The following MEGF8 variants were observed in gnomAD, a reference collection of about 807,000 sequenced individuals.
MEGF8 encodes the protein multiple epidermal growth factor-like domains protein 8.
Under a neutral mutation model 302.9 loss-of-function variants are expected in MEGF8, and 156 were observed. That is an observed-to-expected ratio of 0.52 (90% CI 0.45 to 0.59). MEGF8 has a LOEUF of 0.59. MEGF8 is among the 20% of genes least tolerant of loss of function. The pLI is 0.00. For missense variants in MEGF8, 3,345 were observed against 3,964.5 expected (o/e 0.84, Z 4.20); for synonymous variants, 1,621 against 1,660.5 (o/e 0.98, Z 0.58).
chr19:42,360,767 T>G lies in MEGF8; in HGVS notation c.5489-8T>G, dbSNP rs763565607. On this transcript the variant is annotated splice_polypyrimidine_tract_variant and splice_region_variant and intron_variant, in intron 31 of 41. Coordinates refer to ENST00000251268, the MANE Select transcript of MEGF8 (RefSeq NM_001271938.2). ...CTCTATCTGTCTGAATACACCATCT[T>G]TCCTCAGGCTCGGCCTCTGTGGGGC... 8.9e-6 allele frequency: 14 copies of G among 1,567,136 alleles called. No homozygotes were observed. Among genetic ancestry groups the G allele is most frequent in the Middle Eastern group, 1.7e-4 (1 of 5,996 alleles).
rs1358209583 is a variant in MEGF8 at position 42,376,106 on chromosome 19, TG to T, written c.7872del (p.Gly2626AlafsTer64). 6.2e-7 allele frequency: 1 copy of T among 1,606,782 alleles called. No individual in the cohort carries two copies. Among genetic ancestry groups the T allele is most frequent in the Non-Finnish European group, 8.5e-7 (1 of 1,179,770 alleles). On this transcript the variant is annotated frameshift_variant, in exon 42 of 42. Transcript: ENST00000251268. LOFTEE classifies it high-confidence loss of function. This position sits in a 1 kb window ranked among gnomAD's most constrained non-coding sequence, Gnocchi z 8.2. Reference protein sequence around the residue: ...LLLLGVGDPSGPGANGSADSQ... With the variant: ...LLLLGVGDPSXPGANGSADSQ... Reference sequence around the variant, plus strand: ...TGCTGCTGGGCGTGGGAGACCCAAGTGGGCCCGGCGCCAACGGCTCAGCCGA... The same window carrying T: ...TGCTGCTGGGCGTGGGAGACCCAAGTGGCCCGGCGCCAACGGCTCAGCCGA...
At position 42,350,144 on chromosome 19, in the gene MEGF8, C is replaced by G; in HGVS notation, c.2500-4C>G. Reference sequence around the variant, plus strand: ...CTGCTGCCTTCCTGTGACCCCTTCCCCAGGAGATCTCCTTCTTCTTCCTGG... The same window carrying G: ...CTGCTGCCTTCCTGTGACCCCTTCCGCAGGAGATCTCCTTCTTCTTCCTGG... On this transcript the variant is annotated splice_polypyrimidine_tract_variant and splice_region_variant and intron_variant, in intron 14 of 41. Coordinates refer to ENST00000251268, the MANE Select transcript of MEGF8 (RefSeq NM_001271938.2). 6.2e-7 allele frequency: 1 copy of G among 1,606,782 alleles called. No individual in the cohort carries two copies. Among genetic ancestry groups the G allele is most frequent in the South Asian group, 1.1e-5 (1 of 90,688 alleles).
chr19:42,333,769 G>C lies in MEGF8; in HGVS notation c.351+1G>C. On this transcript the variant is annotated splice_donor_variant, in intron 2 of 41. Transcript: ENST00000251268. LOFTEE classifies it high-confidence loss of function. ...GCCCATCGAAGCTTCCTCAGGCAAG[G>C]TTAGTGGGGATGGGGCCGTGGCAGA... 6.2e-7 allele frequency: 1 copy of C among 1,613,706 alleles called. No homozygotes were observed. Among genetic ancestry groups the C allele is most frequent in the Non-Finnish European group, 8.5e-7 (1 of 1,179,722 alleles).
intron 13 of MEGF8, among the ~76,000 whole-genome samples, 165 bp from the exon 14 acceptor site, chr19:42,349,334 A>G (rs1600042859): frequency 7.3e-6 from 1 of 137,546 alleles, no homozygotes. Flanking sequence ...CCTGAGGAGG[A>G]GGGTCCCTGG....
At position 42,353,970 on chromosome 19, in the gene MEGF8, C is replaced by A. The variant is rs754753739; in HGVS notation, c.3957C>A (p.Thr1319=). Residue 1319 remains threonine, a synonymous_variant, in exon 22 of 42, where the codon ACC becomes ACA. Coordinates refer to ENST00000251268, the MANE Select transcript of MEGF8 (RefSeq NM_001271938.2). This position sits in a 1 kb window ranked among gnomAD's most constrained non-coding sequence, Gnocchi z 6.1. ...TEELQPCAPG[T]LCPPLTLTFS... is the part of the protein sequence containing the mutation. ...AGCTACAGCCCTGTGCTCCCGGGAC[C>A]CTCTGTCCCCCACTCACCCTCACCT... The A allele has an allele frequency of 1.9e-5, 30 of 1,581,904 alleles. No homozygotes were observed. Among genetic ancestry groups the A allele is most frequent in the Non-Finnish European group, 2.5e-5 (29 of 1,164,412 alleles).
intron 8 of MEGF8, among the ~76,000 whole-genome samples, chr19:42,337,596 C>G (rs182376003): frequency 1.2e-3 from 176 of 151,592 alleles, no homozygotes; most frequent in South Asian, 2.1e-3. Context: ...GGCTCCACCC[C>G]CCGGGTTTCA....
Position 42,348,448 on chromosome 19 carries a change from C to T in MEGF8, c.2274C>T (p.Ala758=), listed in dbSNP as rs1035343089. The T allele has an allele frequency of 7.9e-6, 12 of 1,525,638 alleles. No individual in the cohort carries two copies. The Admixed American group carries it at 2.4e-4, about 31-fold the overall frequency. 94.5% of individuals were successfully genotyped at this position (1,525,638 alleles called of 1,614,324 possible). The change falls in exon 13 of 42, where the codon GCC becomes GCT. Residue 758 remains alanine, a synonymous_variant. Coordinates refer to ENST00000251268, the MANE Select transcript of MEGF8 (RefSeq NM_001271938.2). ...AQRLHVLARM[A]RGPDTENMEE... is the part of the protein sequence containing the mutation. ...GCCTACACGTCCTGGCCCGGATGGC[C>T]CGTGGCCCTGACACGGAGAACATGG... is the stretch of plus-strand genomic sequence containing the variant.
In MEGF8 at chr19:42,352,997, C is replaced by G. The variant is rs1427338972; in HGVS notation, c.3420C>G (p.Gly1140=). 6.3e-7 allele frequency: 1 copy of G among 1,590,452 alleles called. No individual in the cohort carries two copies. Residue 1140 remains glycine, a synonymous_variant, in exon 20 of 42, where the codon GGC becomes GGG. Coordinates refer to ENST00000251268, the MANE Select transcript of MEGF8 (RefSeq NM_001271938.2). This position sits in a 1 kb window ranked among gnomAD's most constrained non-coding sequence, Gnocchi z 4.4. The part of the protein sequence containing the change: ...PPDFTCVCDL[G]WTSDLPPPTP... ...ACTTTACCTGCGTGTGTGACCTAGG[C>G]TGGACATCAGACCTGCCCCCTCCCA... is the stretch of plus-strand genomic sequence containing the variant.
chr19:42,351,205 C>T lies in MEGF8; in HGVS notation c.2737-11C>T. ...GTGGGGTTCTGACTCCTCTGCCCAA[C>T]TGACCCCCAGGACCCCTTCTGTGAG... On this transcript the variant is annotated splice_polypyrimidine_tract_variant and intron_variant, in intron 15 of 41. Coordinates refer to ENST00000251268, the MANE Select transcript of MEGF8 (RefSeq NM_001271938.2). This position sits in a 1 kb window ranked among gnomAD's most constrained non-coding sequence, Gnocchi z 5.6. 1 of 1,552,878 alleles carries T rather than the reference C, an allele frequency of 6.4e-7. No homozygotes were observed.
In MEGF8 at chr19:42,358,769, C is replaced by T. The variant is rs375515759; in HGVS notation, c.5176-18C>T. ...GACTCGAGGAGCCTCAACCCCAGGA[C>T]GCCCCCACTGTCACTAGCGAGATCG... On this transcript the variant is annotated intron_variant, in intron 29 of 41. Transcript: ENST00000251268. The surrounding 1 kb of genome is among the most constrained non-coding windows in gnomAD (Gnocchi z 4.4). 4.2e-5 allele frequency: 64 copies of T among 1,506,634 alleles called. No individual in the cohort carries two copies. The African/African-American group carries it at 7.7e-4, about 18-fold the overall frequency. The allele number at this position is 1,506,634 out of a possible 1,614,324, so 93.3% of individuals were successfully genotyped here.
chr19:42,345,006 C>CT (rs1226190339), intron 12 of MEGF8, among the ~76,000 whole-genome samples, 173 bp downstream of exon 12: 1 of 152,140 alleles, frequency 6.6e-6, no homozygotes, highest in African/African-American at 2.4e-5. Flanking sequence ...GAGTCTTGCT[C>CT]TGTCACCCAG....
chr19:42,336,115 C>T lies in MEGF8; in HGVS notation c.1013C>T (p.Ala338Val), dbSNP rs1178331960. Residue 338 changes from alanine to valine, a missense_variant, in exon 6 of 42, where the codon GCG becomes GTG. Coordinates refer to ENST00000251268, the MANE Select transcript of MEGF8 (RefSeq NM_001271938.2). The surrounding 1 kb of genome is among the most constrained non-coding windows in gnomAD (Gnocchi z 4.8). Reference sequence around the variant, plus strand: ...GGGCCCCCAGGCCTGGCAGGTCACGCGGCTGCCCTGGTGGATGATGTCTGG... The same window carrying T: ...GGGCCCCCAGGCCTGGCAGGTCACGTGGCTGCCCTGGTGGATGATGTCTGG... ...SSGPPGLAGH[A>V]AALVDDVWLY... The T allele has an allele frequency of 2.5e-6, 4 of 1,606,886 alleles. No individual in the cohort carries two copies. The highest frequency in any genetic ancestry group is 1.1e-5 in the South Asian group (1 of 90,710).
chr19:42,337,920 C>G (rs2039154579), intron 8 of MEGF8, among the ~76,000 whole-genome samples: 1 of 152,196 alleles, frequency 6.6e-6, no homozygotes, highest in Non-Finnish European at 1.5e-5. Flanking sequence ...TCTCCTGTCT[C>G]AGTCTCCTGA....
chr19:42,376,848 T>C lies in MEGF8; in HGVS notation c.*73T>C. On this transcript the variant is annotated 3_prime_UTR_variant, in exon 42 of 42. Coordinates refer to ENST00000251268, the MANE Select transcript of MEGF8 (RefSeq NM_001271938.2). The surrounding 1 kb of genome is among the most constrained non-coding windows in gnomAD (Gnocchi z 8.2). Reference sequence around the variant, plus strand: ...GCCCTGGACTTGGGGTCCCTCCACCTGGGGGCCCCTGGACACTGTCTACTT... The same window carrying C: ...GCCCTGGACTTGGGGTCCCTCCACCCGGGGGCCCCTGGACACTGTCTACTT... 2 of 1,397,286 alleles carry C rather than the reference T, an allele frequency of 1.4e-6. No homozygotes were observed. Among genetic ancestry groups the C allele is most frequent in the Non-Finnish European group, 1.9e-6 (2 of 1,075,350 alleles). 86.6% of individuals were successfully genotyped at this position (1,397,286 alleles called of 1,614,324 possible).
In MEGF8 at chr19:42,362,416, C is replaced by T; in HGVS notation, c.5877C>T (p.Asn1959=). The T allele has an allele frequency of 1.2e-6, 2 of 1,614,020 alleles. No individual in the cohort carries two copies. Among genetic ancestry groups the T allele is most frequent in the South Asian group, 2.2e-5 (2 of 91,084 alleles). ...CCCCCCGCTGTAAGTGGTGTACCAA[C>T]TGCCCCGAAGGTGCTTGCATTGGAC... ...ASTPRCKWCT[N]CPEGACIGRN... The change falls in exon 34 of 42, where the codon AAC becomes AAT. Residue 1959 remains asparagine, a synonymous_variant. Coordinates refer to ENST00000251268, the MANE Select transcript of MEGF8 (RefSeq NM_001271938.2).
Position 42,376,292 on chromosome 19 carries a change from C to T in MEGF8, c.8055C>T (p.His2685=). The change falls in exon 42 of 42, where the codon CAC becomes CAT. Residue 2685 remains histidine, a synonymous_variant. Transcript: ENST00000251268. This position sits in a 1 kb window ranked among gnomAD's most constrained non-coding sequence, Gnocchi z 8.2. ...ALDQRQEQRR[H]LQEMTKMASR... ...ACCAGCGGCAGGAGCAGCGCCGGCA[C>T]TTGCAGGAGATGACCAAGATGGCCA... is the stretch of plus-strand genomic sequence containing the variant. 1 of 1,613,058 alleles carries T rather than the reference C, an allele frequency of 6.2e-7. No homozygotes were observed. Among genetic ancestry groups the T allele is most frequent in the Non-Finnish European group, 8.5e-7 (1 of 1,179,694 alleles).
In MEGF8 at chr19:42,354,356, G is replaced by A. The variant is rs991386579; in HGVS notation, c.4012-232G>A. Among the ~76,000 whole-genome samples, 1 of 152,068 alleles carries A rather than the reference G, an allele frequency of 6.6e-6. No homozygotes were observed. Among genetic ancestry groups the A allele is most frequent in the African/African-American group, 2.4e-5 (1 of 41,390 alleles). The stretch of plus-strand genomic sequence containing the variant: ...TGGTACTGACTGCCAGGAGCTGCAT[G>A]TTGAGAAAGGGGCTCAATGCAAGAG... On this transcript the variant is annotated intron_variant, in intron 22 of 41. Coordinates refer to ENST00000251268, the MANE Select transcript of MEGF8 (RefSeq NM_001271938.2). This position sits in a 1 kb window ranked among gnomAD's most constrained non-coding sequence, Gnocchi z 4.3.
chr19:42,356,158 G>A lies in MEGF8; in HGVS notation c.4468G>A (p.Val1490Ile). The stretch of plus-strand genomic sequence containing the variant: ...CACCAAGCTGGATGGCGGGCAGCTG[G>A]TCTGGGAGACCCTCATGGACAGCCG... ...CATKLDGGQL[V>I]WETLMDSRLS... The change falls in exon 25 of 42, where the codon GTC (valine) becomes ATC (isoleucine). Residue 1490 changes from valine (V) to isoleucine (I), a missense_variant. By Grantham distance (29) the Val-to-Ile change is conservative (BLOSUM62 3). Transcript: ENST00000251268. The surrounding 1 kb of genome is among the most constrained non-coding windows in gnomAD (Gnocchi z 5.2). 6.4e-7 allele frequency: 1 copy of A among 1,563,442 alleles called. No homozygotes were observed. The highest frequency in any genetic ancestry group is 8.7e-7 in the Non-Finnish European group (1 of 1,153,296).
chr19:42,335,056 G>A lies in MEGF8; in HGVS notation c.580G>A (p.Glu194Lys), dbSNP rs780023172. The change falls in exon 4 of 42, where the codon GAG becomes AAG. Residue 194 changes from glutamate to lysine, a missense_variant. Transcript: ENST00000251268. The part of the protein sequence containing the change: ...CASPLGPCRC[E>K]PGFLGRACDL... ...GCAGCCCCTGGGACCATGCCGCTGT[G>A]AGCCTGGCTTCTTGGGACGTGCCTG... 4.3e-6 allele frequency: 7 copies of A among 1,613,280 alleles called. No homozygotes were observed. The highest frequency in any genetic ancestry group is 2.2e-5 in the South Asian group (2 of 91,050).
Sources: gnomAD v4.1 joint callset for allele counts (sites outside exome capture counted in the v4.1 genomes callset) on GRCh38, gnomAD v4.1.1 for gene constraint, Gnocchi (gnomAD v3.1) non-coding constraint, MANE v1.5 for transcripts, NCBI Gene and HGNC (gene_info 2026-07-23, HGNC 2026-07-21) for gene names.